Variants in TLK2 observed in about 807,000 individuals in gnomAD.
The protein encoded by TLK2 is tousled like kinase 2.
Under a neutral mutation model 117.3 loss-of-function variants are expected in TLK2, and 6 were observed. The observed-to-expected ratio is 0.05, with a 90% CI of 0.03 to 0.10. The LOEUF (loss-of-function observed/expected upper bound fraction) is 0.10, where lower values mean the gene tolerates loss of function less well. Ranked by LOEUF, TLK2 falls within the 10% of genes least tolerant of loss-of-function variation. The pLI, the probability that TLK2 is intolerant of heterozygous loss-of-function variation, is 1.00. For missense variants in TLK2, 299 were observed against 901.2 expected (o/e 0.33, Z 8.56); for synonymous variants, 257 against 316.7 (o/e 0.81, Z 2.00).
At chr17:62,602,514 A>G (rs1202740232) in intron 19 of TLK2, among the ~76,000 whole-genome samples, 1 of 152,168 alleles carries the variant, frequency 6.6e-6, no homozygotes, top group Non-Finnish European at 1.5e-5. Context: ...AATGGCCCCA[A>G]AATCTTTCCG....
chr17:62,493,614 C>A (rs566479900), intron 2 of TLK2, among the ~76,000 whole-genome samples: 1 of 152,300 alleles, frequency 6.6e-6, no homozygotes, highest in South Asian at 2.1e-4. Context: ...AATTCACATT[C>A]TACAAAAGCT....
At chr17:62,583,653 C>T (rs1458244051) in intron 15 of TLK2, among the ~76,000 whole-genome samples, 1 of 152,052 alleles carries the variant, frequency 6.6e-6, no homozygotes, top group East Asian at 1.9e-4. Flanking sequence ...TGGCTCACTG[C>T]TGCAACCTCT....
At chr17:62,490,579 G>A (rs1021026742) in intron 2 of TLK2, among the ~76,000 whole-genome samples, 2 of 151,996 alleles carry the variant, frequency 1.3e-5, no homozygotes, top group African/African-American at 4.8e-5. Context: ...GTCTTGCTCT[G>A]TTGCCAGGCT....
intron 20 of TLK2, among the ~76,000 whole-genome samples, chr17:62,607,364 C>CAA (rs869138705): frequency 2.3e-5 from 3 of 129,706 alleles, no homozygotes; most frequent in Admixed American, 1.6e-4. Context: ...CTAAAATTAC[C>CAA]AAAAAAAAAA....
intron 6 of TLK2, among the ~76,000 whole-genome samples, chr17:62,525,183 G>C (rs980644279): frequency 2.0e-5 from 3 of 152,194 alleles, no homozygotes; most frequent in African/African-American, 7.2e-5. Context: ...CTCTGGGACA[G>C]AAGTTTTTAT....
intron 7 of TLK2, among the ~76,000 whole-genome samples, chr17:62,546,519 T>TTTTATC (rs2077953855): frequency 6.7e-6 from 1 of 149,284 alleles, no homozygotes. Flanking sequence ...TAACCTTTTG[T>TTTTATC]TTTATCTTCT....
chr17:62,554,946 T>C (rs545527437), intron 9 of TLK2, among the ~76,000 whole-genome samples: 1 of 151,426 alleles, frequency 6.6e-6, no homozygotes, highest in South Asian at 2.1e-4. Flanking sequence ...ATTCCATTAA[T>C]TGGGATTAAA....
At chr17:62,476,388 T>A (rs532974727), upstream of TLK2, among the ~76,000 whole-genome samples, 5 of 151,262 alleles carry the variant, frequency 3.3e-5, no homozygotes, top group East Asian at 1.0e-3. Context: ...TCGAGACCAG[T>A]CTGGCCAACA....
chr17:62,596,994 GT>G (rs534121686), intron 17 of TLK2, among the ~76,000 whole-genome samples: 6,300 of 151,002 alleles, frequency 0.042, 133 homozygotes, highest in Middle Eastern at 0.12. Flanking sequence ...GTTTATTTTT[GT>G]TTTTTTTTAA....
intron 20 of TLK2, among the ~76,000 whole-genome samples, chr17:62,607,012 CTTT>C (rs10680028): frequency 8.1e-6 from 1 of 123,564 alleles, no homozygotes; most frequent in Non-Finnish European, 1.6e-5. Flanking sequence ...TCTCCTTGGT[CTTT>C]TTTTTTTTTT....
At chr17:62,534,962 C>T (rs1567868140) in intron 6 of TLK2, among the ~76,000 whole-genome samples, 1 of 139,632 alleles carries the variant, frequency 7.2e-6, no homozygotes, top group Non-Finnish European at 1.5e-5. Context: ...AATCTGGGCT[C>T]ACTGCAACTT....
chr17:62,527,645 CATTT>C (rs1185318591), intron 6 of TLK2, among the ~76,000 whole-genome samples: 2 of 151,890 alleles, frequency 1.3e-5, no homozygotes, highest in Non-Finnish European at 2.9e-5. Context: ...TTTTATAGGT[CATTT>C]ATTTTCATTG....
At chr17:62,578,276 A>G (rs188775103) in intron 13 of TLK2, among the ~76,000 whole-genome samples, 3 of 151,976 alleles carry the variant, frequency 2.0e-5, no homozygotes, top group Non-Finnish European at 4.4e-5. Flanking sequence ...TACTTTTCTT[A>G]CTGAACTCCT....
intron 13 of TLK2, among the ~76,000 whole-genome samples, 191 bp downstream of exon 13, chr17:62,576,966 C>CTTTTTTTTTTTTTTTTTTTTTT (rs59523807): frequency 1.7e-5 from 2 of 115,950 alleles, no homozygotes; most frequent in African/African-American, 6.1e-5. Context: ...CTTTCTTCTT[C>CTTTTTTTTTTTTTTTTTTTTTT]TTTTTTTTTT....
intron 6 of TLK2, among the ~76,000 whole-genome samples, chr17:62,527,093 T>C (rs1455833028): frequency 2.0e-5 from 3 of 152,212 alleles, no homozygotes; most frequent in Non-Finnish European, 4.4e-5. Flanking sequence ...AAAACGCTTT[T>C]GCTATAGGGT....
intron 19 of TLK2, among the ~76,000 whole-genome samples, chr17:62,602,498 A>G (rs1243577713): frequency 1.3e-5 from 2 of 152,204 alleles, no homozygotes; most frequent in African/African-American, 4.8e-5. Context: ...TCATGTGTAT[A>G]TAAAGAATGG....
upstream of TLK2, among the ~76,000 whole-genome samples, chr17:62,474,188 C>T (rs891946327): frequency 6.6e-6 from 1 of 151,726 alleles, no homozygotes; most frequent in African/African-American, 2.4e-5. Context: ...ATGCCATTCT[C>T]CTGCCTCAGC....
chr17:62,532,911 G>A lies in TLK2; in HGVS notation c.364-3259G>A, dbSNP rs183027693. ...CACATAAATTGCTAGAAGGTTATTA[G>A]CAGTTTGAGAGTACCAATTTTTTCA... On this transcript the variant is annotated intron_variant, in intron 6 of 21. Transcript: ENST00000346027. 1.2e-4 allele frequency among the ~76,000 whole-genome samples: 19 copies of A among 152,188 alleles called. No individual in the cohort carries two copies. The East Asian group carries it at 3.5e-3, about 28-fold the overall frequency.
chr17:62,480,068 C>T (rs1004631869), intron 1 of TLK2, among the ~76,000 whole-genome samples: 3 of 152,226 alleles, frequency 2.0e-5, no homozygotes, highest in Admixed American at 6.5e-5. Flanking sequence ...CCTTTTCATT[C>T]CCCTTTGCCC....
Sources: gnomAD v4.1 joint callset for allele counts (sites outside exome capture counted in the v4.1 genomes callset) on GRCh38, gnomAD v4.1.1 for gene constraint, MANE v1.5 for transcripts, NCBI Gene and HGNC (gene_info 2026-07-23, HGNC 2026-07-21) for gene names.